PLEKHG4B: variants seen among roughly 807,000 people sequenced by gnomAD.
PLEKHG4B encodes the protein pleckstrin homology and RhoGEF domain containing G4B, also known as pleckstrin homology domain-containing family G member 4B.
A neutral mutation model predicts 121.3 loss-of-function variants in PLEKHG4B; 111 were observed. The observed-to-expected ratio is 0.92, with a 90% confidence interval of 0.78 to 1.07. The LOEUF is 1.07. PLEKHG4B is among the 50% of genes least tolerant of loss of function. PLEKHG4B has a pLI of 0.00. For synonymous variants in PLEKHG4B, 738 were observed against 725.0 expected, an observed-to-expected ratio of 1.02 and a Z score of -0.29; for missense variants, 1,831 against 1,757.8, an observed-to-expected ratio of 1.04 and a Z score of -0.74.
chr5:177,632 G>C (rs1278248463), intron 18 of PLEKHG4B, among the ~76,000 whole-genome samples: 3 of 152,208 alleles, frequency 2.0e-5, no homozygotes, highest in Non-Finnish European at 4.4e-5. Context: ...TTCAGAGCAG[G>C]AGTGGAAGTT....
At position 92,277 on chromosome 5, in the gene PLEKHG4B, G is replaced by A; in HGVS notation, c.45+1G>A. ...CGGCGGGGGCGGCCCAGGCGCCCGG[G>A]TAAGAGGGGGCACGGGGACTGCGGC... is the stretch of plus-strand genomic sequence containing the variant. On this transcript the variant is annotated splice_donor_variant, in intron 1 of 19. Coordinates refer to ENST00000637938, the MANE Select transcript of PLEKHG4B (RefSeq NM_052909.5). LOFTEE classifies it high-confidence loss of function. The A allele has an allele frequency of 3.8e-6, 1 of 265,972 alleles. No individual in the cohort carries two copies. The allele number at this position is 265,972 out of a possible 1,614,324, so 16.5% of individuals were successfully genotyped here. A position where few individuals can be genotyped will look rare whatever the true frequency, so the allele number is the denominator to read the frequency against.
rs1287765886 is a variant in PLEKHG4B at position 176,277 on chromosome 5, C to G, written c.4402+2179C>G. 2.4e-4 allele frequency among the ~76,000 whole-genome samples: 13 copies of G among 54,110 alleles called. 1 individual carries two copies. Among genetic ancestry groups the G allele is most frequent in the South Asian group, 8.5e-4 (1 of 1,176 alleles). 35.5% of individuals were successfully genotyped at this position (54,110 alleles called of 152,430 possible). A position where few individuals can be genotyped will look rare whatever the true frequency, so the allele number is the denominator to read the frequency against. On this transcript the variant is annotated intron_variant, in intron 18 of 19. Transcript: ENST00000637938. ...GCCTTTTTCCTTCCTTTGTAACCCA[C>G]GGTCCTGCTTCCTGTTTGGGGTCTG...
rs370554183 is a variant in PLEKHG4B at position 188,169 on chromosome 5, G to GC, written c.*5851dup. Reference sequence around the variant, plus strand: ...GTGTGCCTGCCCTGGGCCTTCAGCAGCCCCCATAAGGAGAAAGCTCCAGCC... The same window carrying GC: ...GTGTGCCTGCCCTGGGCCTTCAGCAGCCCCCCATAAGGAGAAAGCTCCAGCC... On this transcript the variant is annotated 3_prime_UTR_variant, in exon 20 of 20. Transcript: ENST00000637938. 1 of 152,382 alleles carries GC rather than the reference G, an allele frequency of 6.6e-6. No individual in the cohort carries two copies. The highest frequency in any genetic ancestry group is 2.4e-5 in the African/African-American group (1 of 41,456). The allele number at this position is 152,382 out of a possible 1,614,324, so 9.4% of individuals were successfully genotyped here.
At position 172,689 on chromosome 5, in the gene PLEKHG4B, GC is replaced by G. The variant is rs369896266; in HGVS notation, c.4051-207del. On this transcript the variant is annotated intron_variant, in intron 16 of 19. Transcript: ENST00000637938. ...TGGGGGGAACTGGGTGAGTTCCTGA[GC>G]TTTTAGATGTGATGCTGCAGTTTCT... is the stretch of plus-strand genomic sequence containing the variant. Among the ~76,000 whole-genome samples, 809 of 152,354 alleles carry G rather than the reference GC, an allele frequency of 5.3e-3. 7 individuals are homozygous for G. The highest frequency in any genetic ancestry group is 0.019 in the African/African-American group (776 of 41,566).
At chr5:103,083 G>A (rs931689624) in intron 1 of PLEKHG4B, among the ~76,000 whole-genome samples, 1 of 152,202 alleles carries the variant, frequency 6.6e-6, no homozygotes, top group Non-Finnish European at 1.5e-5. Context: ...GCCCAGGACA[G>A]GAGCCTTGCC....
At chr5:164,123 A>G (rs1736152384) in intron 13 of PLEKHG4B, among the ~76,000 whole-genome samples, 1 of 152,204 alleles carries the variant, frequency 6.6e-6, no homozygotes, top group African/African-American at 2.4e-5. Context: ...GAATTTCGTG[A>G]GATGCTTTGC....
chr5:157,652 C>T lies in PLEKHG4B; in HGVS notation c.2487+741C>T, dbSNP rs1289322883. Among the ~76,000 whole-genome samples, 1 of 152,192 alleles carries T rather than the reference C, an allele frequency of 6.6e-6. No individual in the cohort carries two copies. The highest frequency in any genetic ancestry group is 1.9e-4 in the East Asian group (1 of 5,200). ...GCTTAGCTCAGGGGTGCAGATGATG[C>T]TGCTGCCTCATTTTGATGCCCCTCT... On this transcript the variant is annotated intron_variant, in intron 11 of 19. Coordinates refer to ENST00000637938, the MANE Select transcript of PLEKHG4B (RefSeq NM_052909.5). The surrounding 1 kb of genome is among the most constrained non-coding windows in gnomAD (Gnocchi z 4.6).
chr5:153,669 A>G (rs1735673988), intron 7 of PLEKHG4B, among the ~76,000 whole-genome samples: 1 of 151,750 alleles, frequency 6.6e-6, no homozygotes, highest in East Asian at 1.9e-4. Flanking sequence ...CCATTTTCTT[A>G]TTGTTTTTAT....
At chr5:180,530 A>T (rs1221203357) in intron 18 of PLEKHG4B, among the ~76,000 whole-genome samples, 1 of 152,170 alleles carries the variant, frequency 6.6e-6, no homozygotes, top group African/African-American at 2.4e-5. Flanking sequence ...TGGCCTGTGA[A>T]CGCCACATCT....
chr5:167,911 TTAAAAAATACCACC>T lies in PLEKHG4B; in HGVS notation c.3477-1427_3477-1414del, dbSNP rs549073183. ...ATGTTTTTTAGTGGTAATAAAAAAA[TTAAAAAATACCACC>T]TGATTTGGGAAGCCCAGTTTGGGCC... is the stretch of plus-strand genomic sequence containing the variant. On this transcript the variant is annotated intron_variant, in intron 13 of 19. Coordinates refer to ENST00000637938, the MANE Select transcript of PLEKHG4B (RefSeq NM_052909.5). Among the ~76,000 whole-genome samples, 369 of 152,318 alleles carry T rather than the reference TTAAAAAATACCACC, an allele frequency of 2.4e-3. 1 individual carries two copies. Among genetic ancestry groups the T allele is most frequent in the Middle Eastern group, 3.4e-3 (1 of 294 alleles).
intron 1 of PLEKHG4B, among the ~76,000 whole-genome samples, chr5:94,351 G>A (rs1387673260): frequency 6.6e-6 from 1 of 152,242 alleles, no homozygotes; most frequent in African/African-American, 2.4e-5. Context: ...TGCCACGTGT[G>A]TGGTGAGGGG....
At chr5:162,031 G>A in intron 12 of PLEKHG4B, 87 bp downstream of exon 12, 1 of 1,466,532 alleles carries the variant, frequency 6.8e-7, no homozygotes, top group African/African-American at 1.4e-5. Context: ...ACAAGCTGGA[G>A]TGGGCCAGGC....
chr5:128,691 A>G (rs1446952378), intron 2 of PLEKHG4B, among the ~76,000 whole-genome samples: 4 of 152,214 alleles, frequency 2.6e-5, no homozygotes, highest in Non-Finnish European at 5.9e-5. Flanking sequence ...GTTATGGCAG[A>G]CAGATTCTGC....
intron 1 of PLEKHG4B, among the ~76,000 whole-genome samples, chr5:93,987 C>T (rs774887149): frequency 6.6e-5 from 10 of 152,158 alleles, no homozygotes; most frequent in African/African-American, 1.2e-4. Context: ...ATGAGTTTGT[C>T]CTCTCTTTGC....
chr5:109,799 A>G (rs1279024254), intron 1 of PLEKHG4B, among the ~76,000 whole-genome samples: 4 of 152,246 alleles, frequency 2.6e-5, no homozygotes, highest in Non-Finnish European at 4.4e-5. Flanking sequence ...GTGATTGCAC[A>G]GAGTTCAGGG....
chr5:120,396 C>G (rs993504475), intron 2 of PLEKHG4B, among the ~76,000 whole-genome samples: 3 of 152,170 alleles, frequency 2.0e-5, no homozygotes, highest in Admixed American at 6.5e-5. Context: ...CCAGACTCCC[C>G]CTGGAGAGAG....
chr5:161,992 C>T (rs1350576504), intron 12 of PLEKHG4B, 48 bp downstream of exon 12: 13 of 1,544,104 alleles, frequency 8.4e-6, no homozygotes, highest in African/African-American at 4.1e-5. Context: ...GCTCCTTAGG[C>T]TGTGGACATC....
intron 7 of PLEKHG4B, among the ~76,000 whole-genome samples, chr5:152,659 TC>T (rs1735644705): frequency 6.6e-6 from 1 of 152,230 alleles, no homozygotes; most frequent in Non-Finnish European, 1.5e-5. Context: ...TTCCCATTGA[TC>T]CTGTCCTTAG....
At chr5:95,425 C>T (rs1733602688) in intron 1 of PLEKHG4B, among the ~76,000 whole-genome samples, 1 of 152,170 alleles carries the variant, frequency 6.6e-6, no homozygotes, top group African/African-American at 2.4e-5. Context: ...CAAAGCCTCT[C>T]CGGCCCTGGG....
Sources: gnomAD v4.1 joint callset for allele counts (sites outside exome capture counted in the v4.1 genomes callset) on GRCh38, gnomAD v4.1.1 for gene constraint, Gnocchi (gnomAD v3.1) non-coding constraint, MANE v1.5 for transcripts, NCBI Gene and HGNC (gene_info 2026-07-23, HGNC 2026-07-21) for gene names.